The following SGSM3 variants were observed in gnomAD, a reference collection of about 807,000 sequenced individuals.
The protein encoded by SGSM3 is RUN and SH3 containing 3.
A neutral mutation model predicts 100.5 loss-of-function variants in SGSM3; 96 were observed. That is an observed-to-expected ratio of 0.96 (90% CI 0.81 to 1.13). The LOEUF (loss-of-function observed/expected upper bound fraction) is 1.13. SGSM3 is among the 50% of genes most tolerant of loss of function. The pLI is 0.00. For synonymous variants in SGSM3, 483 were observed against 422.8 expected (o/e 1.14, Z -1.75); for missense variants, 1,001 against 1,015.8 (o/e 0.99, Z 0.20).
intron 1 of SGSM3, among the ~76,000 whole-genome samples, chr22:40,385,722 G>T (rs1050527233): frequency 6.6e-6 from 1 of 152,216 alleles, no homozygotes; most frequent in Admixed American, 6.5e-5. Context: ...TGAAAGTATC[G>T]CTGAAGGAAA....
chr22:40,400,518 C>A (rs1157497006), intron 1 of SGSM3, among the ~76,000 whole-genome samples, 178 bp from the exon 2 acceptor site: 1 of 152,080 alleles, frequency 6.6e-6, no homozygotes, highest in Non-Finnish European at 1.5e-5. Context: ...TGGTGCAACC[C>A]TGTAGTCCCA....
chr22:40,399,277 C>A (rs1601996812), intron 1 of SGSM3, among the ~76,000 whole-genome samples: 1 of 151,948 alleles, frequency 6.6e-6, no homozygotes. Flanking sequence ...TGAGCCACCG[C>A]GCCCAGCCAA....
At chr22:40,372,805 C>T (rs1227724448) in intron 1 of SGSM3, 1 of 152,154 alleles carries the variant, frequency 6.6e-6, no homozygotes, top group South Asian at 2.1e-4. Context: ...CTTCTTAGTT[C>T]TCAATGAAGG....
chr22:40,405,426 G>T, intron 7 of SGSM3, 142 bp downstream of exon 7: 1 of 930,100 alleles, frequency 1.1e-6, no homozygotes, highest in Non-Finnish European at 1.6e-6. Context: ...ACTCCGGGGC[G>T]TCCCCAAGGA....
At chr22:40,405,075 G>C in intron 6 of SGSM3, 66 bp from the exon 7 acceptor site, 1 of 1,447,402 alleles carries the variant, frequency 6.9e-7, no homozygotes, top group Non-Finnish European at 9.1e-7. Flanking sequence ...AGCCCGCCTG[G>C]GGTCTGCCTC....
rs1431451654 is a variant in SGSM3, at chr22:40,406,109, C to T, written c.846C>T (p.Leu282=). ...ELSLITLHWF[L]TAFASVVDIK... The stretch of plus-strand genomic sequence containing the variant: ...CCCTGATCACACTGCACTGGTTCCT[C>T]ACGGCCTTCGCCAGCGTGGTGGACA... The change falls in exon 9 of 22, where the codon CTC becomes CTT. Residue 282 remains leucine (L), a synonymous_variant. Coordinates refer to ENST00000248929, the MANE Select transcript of SGSM3 (RefSeq NM_015705.6). 6.2e-7 allele frequency: 1 copy of T among 1,614,100 alleles called. No homozygotes were observed.
Position 40,397,896 on chromosome 22 carries a change from CCTT to C in SGSM3, c.-111-2799_-111-2797del, listed in dbSNP as rs2050242950. 3.3e-5 allele frequency among the ~76,000 whole-genome samples: 5 copies of C among 152,104 alleles called. No individual in the cohort carries two copies. The South Asian group carries it at 1.0e-3, about 32-fold the overall frequency. On this transcript the variant is annotated intron_variant, in intron 1 of 21. Coordinates refer to ENST00000248929, the MANE Select transcript of SGSM3 (RefSeq NM_015705.6). ...CCCCTCTCTTCTGATAGTCTCCACA[CCTT>C]GACCTTTATTTTTCCTCACAGCATT...
chr22:40,380,417 A>G (rs529624609), intron 1 of SGSM3, among the ~76,000 whole-genome samples: 180 of 142,444 alleles, frequency 1.3e-3, no homozygotes, highest in Middle Eastern at 7.2e-3. Context: ...CCCAGGCTGG[A>G]GTGCAGTGGC....
rs748399377 is a variant in SGSM3 at position 40,408,371 on chromosome 22, G to T, written c.1724G>T (p.Gly575Val). 6.2e-7 allele frequency: 1 copy of T among 1,613,596 alleles called. No individual in the cohort carries two copies. The highest frequency in any genetic ancestry group is 1.1e-5 in the South Asian group (1 of 91,088). ...GCCCTTAAGGCCCTGTTCGAACATG[G>T]ACTGAAGAAGCCATCCCTGCTTGGG... ...CPALKALFEH[G>V]LKKPSLLGGA... Residue 575 changes from glycine (G) to valine (V), a missense_variant, in exon 16 of 22, where the codon GGA (glycine) becomes GTA (valine). Transcript: ENST00000248929.
Position 40,409,007 on chromosome 22 carries a change from C to T in SGSM3, c.1977C>T (p.Cys659=), listed in dbSNP as rs551659718. 1.5e-4 allele frequency: 240 copies of T among 1,567,996 alleles called. No individual in the cohort carries two copies. The highest frequency in any genetic ancestry group is 1.0e-3 in the Middle Eastern group (6 of 5,800). ...QMDVKLRSLI[C]VGLNEQVLHL... ...ATGTGAAGCTCCGCTCACTGATCTGCGTGGGGCTCAAGTGAGTGTGGAAAA... is the reference window on the plus strand; with the variant it reads ...ATGTGAAGCTCCGCTCACTGATCTGTGTGGGGCTCAAGTGAGTGTGGAAAA... Residue 659 remains cysteine (C), a synonymous_variant, in exon 19 of 22, where the codon TGC becomes TGT. Coordinates refer to ENST00000248929, the MANE Select transcript of SGSM3 (RefSeq NM_015705.6).
In SGSM3 at chr22:40,406,525, C is replaced by A; in HGVS notation, c.1048C>A (p.Leu350Ile). The A allele has an allele frequency of 6.2e-7, 1 of 1,613,096 alleles. No homozygotes were observed. The highest frequency in any genetic ancestry group is 8.5e-7 in the Non-Finnish European group (1 of 1,179,916). Reference protein sequence around the residue: ...IPSQMEDAELLLGVAMRLAGS... With the variant: ...IPSQMEDAELILGVAMRLAGS... ...GTCGCAGATGGAGGACGCGGAGCTG[C>A]TTCTGGGGGTGGCCATGCGGCTGGC... Residue 350 changes from leucine (L) to isoleucine (I), a missense_variant, in exon 10 of 22, where the codon CTT (leucine) becomes ATT (isoleucine). Coordinates refer to ENST00000248929, the MANE Select transcript of SGSM3 (RefSeq NM_015705.6).
At chr22:40,397,549 C>T (rs79799834) in intron 1 of SGSM3, among the ~76,000 whole-genome samples, 527 of 152,330 alleles carry the variant, frequency 3.5e-3, no homozygotes, top group African/African-American at 0.012. Flanking sequence ...AGAGAGGGCT[C>T]AGAGCCCTCC....
chr22:40,378,467 G>A (rs1328240242), intron 1 of SGSM3, among the ~76,000 whole-genome samples: 2 of 151,916 alleles, frequency 1.3e-5, no homozygotes, highest in Non-Finnish European at 2.9e-5. Flanking sequence ...GGTGGCTGAT[G>A]CCTGTCATCC....
chr22:40,398,958 G>A (rs1263265462), intron 1 of SGSM3, among the ~76,000 whole-genome samples: 1 of 139,698 alleles, frequency 7.2e-6, no homozygotes, highest in African/African-American at 2.6e-5. Flanking sequence ...TACACGAGTA[G>A]CAGAGCTAGG....
Position 40,401,626 on chromosome 22 carries a change from C to T in SGSM3, c.41C>T (p.Ala14Val). 6.2e-7 allele frequency: 1 copy of T among 1,613,418 alleles called. No homozygotes were observed. The highest frequency in any genetic ancestry group is 8.5e-7 in the Non-Finnish European group (1 of 1,179,510). Reference protein sequence around the residue: ...SHTPACGPFSALTPSIWPQEI... With the variant: ...SHTPACGPFSVLTPSIWPQEI... The stretch of plus-strand genomic sequence containing the variant: ...ACACCTGCCTGTGGCCCTTTCTCAG[C>T]CCTGACTCCGAGCATATGGCCCCAG... Residue 14 changes from alanine to valine, a missense_variant, in exon 3 of 22, where the codon GCC (alanine) becomes GTC (valine). Transcript: ENST00000248929.
intron 6 of SGSM3, among the ~76,000 whole-genome samples, chr22:40,404,897 G>A (rs776497746): frequency 1.3e-5 from 2 of 152,220 alleles, no homozygotes; most frequent in Non-Finnish European, 2.9e-5. Context: ...AACAGATGGG[G>A]ACTCTAAATA....
chr22:40,409,082 G>A, intron 19 of SGSM3, 64 bp downstream of exon 19: 1 of 1,551,822 alleles, frequency 6.4e-7, no homozygotes, highest in Non-Finnish European at 8.7e-7. Flanking sequence ...AGCATCAGGG[G>A]GGGTCCTTAC....
Position 40,410,229 on chromosome 22 carries a change from C to T in SGSM3, c.*470C>T. The T allele has an allele frequency of 1.9e-6, 2 of 1,039,514 alleles. No individual in the cohort carries two copies. The highest frequency in any genetic ancestry group is 1.2e-6 in the Non-Finnish European group (1 of 858,346). 64.4% of individuals were successfully genotyped at this position (1,039,514 alleles called of 1,614,324 possible). A position where few individuals can be genotyped will look rare whatever the true frequency, so the allele number is the denominator to read the frequency against. On this transcript the variant is annotated 3_prime_UTR_variant, in exon 22 of 22. Coordinates refer to ENST00000248929, the MANE Select transcript of SGSM3 (RefSeq NM_015705.6). ...CCCTCAGATGCTGGGACACAACAGA[C>T]CCGGGACCCAGCTGTGCTACCCACC... is the stretch of plus-strand genomic sequence containing the variant.
intron 1 of SGSM3, among the ~76,000 whole-genome samples, chr22:40,377,280 G>C (rs1167445254): frequency 6.6e-6 from 1 of 152,172 alleles, no homozygotes; most frequent in Non-Finnish European, 1.5e-5. Context: ...TTGAATCTTA[G>C]GTTGAATGAC....
Sources: allele counts gnomAD v4.1 joint callset (sites outside exome capture counted in the v4.1 genomes callset), GRCh38; gene constraint gnomAD v4.1.1; transcripts MANE v1.5; gene names NCBI Gene and HGNC (gene_info 2026-07-23, HGNC 2026-07-21).